Variants in QRICH2 observed in about 807,000 individuals in gnomAD.
QRICH2 encodes glutamine-rich protein 2.
Under a neutral mutation model 168.3 loss-of-function variants are expected in QRICH2, and 119 were observed. The ratio of observed to expected loss-of-function variants is 0.71; its 90% CI spans 0.61 to 0.82. The LOEUF (loss-of-function observed/expected upper bound fraction) is 0.82, where lower values mean the gene tolerates loss of function less well. QRICH2 is among the 40% of genes least tolerant of loss of function. The pLI is 0.00. For synonymous variants in QRICH2, 894 were observed against 951.2 expected (o/e 0.94, Z 1.11); for missense variants, 2,241 against 2,491.6 (o/e 0.90, Z 2.14).
Position 76,280,796 on chromosome 17 carries a change from C to T in QRICH2, c.4386+35G>A. 1 of 1,613,988 alleles carries T rather than the reference C, an allele frequency of 6.2e-7. No individual in the cohort carries two copies. The highest frequency in any genetic ancestry group is 8.5e-7 in the Non-Finnish European group (1 of 1,180,012). The stretch of plus-strand genomic sequence containing the variant: ...GCGGGGCTAGGGCACCACATTGAGC[C>T]CCGGCCCCATCCCAGCCACCCTGCG... On this transcript the variant is annotated intron_variant, in intron 9 of 18. Transcript: ENST00000680821. The surrounding 1 kb of genome is among the most constrained non-coding windows in gnomAD (Gnocchi z 7.4).
chr17:76,276,232 G>C (rs1293004428), intron 17 of QRICH2, among the ~76,000 whole-genome samples: 1 of 152,040 alleles, frequency 6.6e-6, no homozygotes, highest in Non-Finnish European at 1.5e-5. Context: ...AGGAAGGGAG[G>C]CATCTAGAAA....
In QRICH2 at chr17:76,280,234, G is replaced by C; in HGVS notation, c.4626+53C>G. 2 of 1,609,494 alleles carry C rather than the reference G, an allele frequency of 1.2e-6. No homozygotes were observed. The highest frequency in any genetic ancestry group is 1.7e-6 in the Non-Finnish European group (2 of 1,177,346). On this transcript the variant is annotated intron_variant, in intron 11 of 18. Transcript: ENST00000680821. The surrounding 1 kb of genome is among the most constrained non-coding windows in gnomAD (Gnocchi z 7.4). Reference sequence around the variant, plus strand: ...ACCCAGGAGAAGGTGGTGCTGTCCCGATCCTGGGGGCAAGGCTGTGGGATG... The same window carrying C: ...ACCCAGGAGAAGGTGGTGCTGTCCCCATCCTGGGGGCAAGGCTGTGGGATG...
rs1193335986 is a variant in QRICH2, at chr17:76,293,383, AG to A, written c.1343del (p.Pro448LeufsTer28). ...DEQRMLPPSV[P>X]GRDQQGLELP... ...GTTCCAATCCTTGCTGGTCTCTGCCAGGTACTGATGGTGGCAACATACGTTG... is the reference window on the plus strand; with the variant it reads ...GTTCCAATCCTTGCTGGTCTCTGCCAGTACTGATGGTGGCAACATACGTTG... On this transcript the variant is annotated frameshift_variant, in exon 4 of 19. Coordinates refer to ENST00000680821, the MANE Select transcript of QRICH2 (RefSeq NM_001388453.1). LOFTEE classifies it high-confidence loss of function. 1 of 1,614,114 alleles carries A rather than the reference AG, an allele frequency of 6.2e-7. No individual in the cohort carries two copies. The highest frequency in any genetic ancestry group is 8.5e-7 in the Non-Finnish European group (1 of 1,180,052).
rs1568117385 is a variant in QRICH2, at chr17:76,291,930, G to A, written c.2797C>T (p.Gln933Ter). Residue 933 changes from glutamine (Q) to a stop codon, truncating the protein, a stop_gained, in exon 4 of 19, where the codon CAA (glutamine) becomes TAA (stop). Transcript: ENST00000680821. LOFTEE classifies it high-confidence loss of function. Reference sequence around the variant, plus strand: ...AAACCAAGAGGATAGGCACCAGGTTGTACCAGGCCATGTGGATCTGCCTGA... The same window carrying A: ...AAACCAAGAGGATAGGCACCAGGTTATACCAGGCCATGTGGATCTGCCTGA... Reference protein sequence around the residue: ...QPQADPHGLVQPGAYPLGLVQ... With the variant: ...QPQADPHGLV The A allele has an allele frequency of 3.7e-6, 6 of 1,614,098 alleles. No individual in the cohort carries two copies. The highest frequency in any genetic ancestry group is 1.3e-5 in the African/African-American group (1 of 74,930).
chr17:76,305,071 A>C, intron 1 of QRICH2, 130 bp from the exon 2 acceptor site: 1 of 706,334 alleles, frequency 1.4e-6, no homozygotes, highest in African/African-American at 1.8e-5. Context: ...ACATTCACAC[A>C]CTGACTCAGT....
At chr17:76,306,051 T>C (rs1366274218) in intron 1 of QRICH2, among the ~76,000 whole-genome samples, 1 of 150,000 alleles carries the variant, frequency 6.7e-6, no homozygotes, top group Admixed American at 6.7e-5. Context: ...GCACCTATAA[T>C]CCTAGCTACT....
At chr17:76,285,266 G>T (rs2070861712) in intron 7 of QRICH2, among the ~76,000 whole-genome samples, 1 of 151,922 alleles carries the variant, frequency 6.6e-6, no homozygotes, top group South Asian at 2.1e-4. Flanking sequence ...TGAGTAGCTG[G>T]GATTACAGGC....
rs151086130 is a variant in QRICH2 at position 76,293,249 on chromosome 17, C to T, written c.1478G>A (p.Arg493His). Residue 493 changes from arginine (R) to histidine (H), a missense_variant, in exon 4 of 19, where the codon CGT becomes CAT. Arg to His is a conservative substitution (Grantham distance 29). Around this residue, in one of 3 missense-constraint regions of QRICH2, gnomAD observed 2,047 missense variants for 2,303.8 expected, o/e 0.89. Coordinates refer to ENST00000680821, the MANE Select transcript of QRICH2 (RefSeq NM_001388453.1). The part of the protein sequence containing the change: ...RSMEPLGMDQ[R>H]GCVISGMGQQ... The stretch of plus-strand genomic sequence containing the variant: ...ACCCATGCCTGATATTACACATCCA[C>T]GCTGATCCATGCCAAGTGGTTCCAT... The T allele has an allele frequency of 7.4e-5, 120 of 1,614,032 alleles. 1 individual carries two copies. In the African/African-American group the frequency reaches 1.2e-3, roughly 16 times the overall value.
chr17:76,290,251 G>C (rs982553681), intron 4 of QRICH2, among the ~76,000 whole-genome samples, 174 bp from the exon 5 acceptor site: 22 of 152,156 alleles, frequency 1.4e-4, no homozygotes, highest in Non-Finnish European at 2.5e-4. Context: ...AGAGAGAGCT[G>C]TCCTTAGCCC....
chr17:76,279,080 G>A lies in QRICH2; in HGVS notation c.4877C>T (p.Thr1626Met), dbSNP rs747156968. The A allele has an allele frequency of 1.5e-5, 25 of 1,613,820 alleles. No homozygotes were observed. Among genetic ancestry groups the A allele is most frequent in the Admixed American group, 6.7e-5 (4 of 59,992 alleles). The stretch of plus-strand genomic sequence containing the variant: ...CCGGACCTGCTCCAGTTCAAACACC[G>A]TGTAGGGGCGGATGGAATGGTGCCC... The part of the protein sequence containing the change: ...LPGHHSIRPY[T>M]VFELEQVRQH... The change falls in exon 14 of 19, where the codon ACG becomes ATG. Residue 1626 changes from threonine (T) to methionine (M), a missense_variant. Thr to Met is a moderately conservative substitution (Grantham distance 81). Around this residue, in one of 3 missense-constraint regions of QRICH2, gnomAD observed 2,047 missense variants for 2,303.8 expected, o/e 0.89. Transcript: ENST00000680821.
intron 3 of QRICH2, among the ~76,000 whole-genome samples, chr17:76,299,700 G>A (rs2070863808): frequency 6.6e-6 from 1 of 151,906 alleles, no homozygotes; most frequent in South Asian, 2.1e-4. Flanking sequence ...TTGCGCCACT[G>A]CACTCCAGCA....
intron 15 of QRICH2, among the ~76,000 whole-genome samples, 182 bp downstream of exon 15, chr17:76,277,807 T>C (rs929888263): frequency 2.6e-5 from 4 of 151,672 alleles, no homozygotes; most frequent in African/African-American, 9.7e-5. Context: ...GACACACCCA[T>C]AGACACATGG....
At chr17:76,275,192 T>C (rs940581521) in intron 18 of QRICH2, among the ~76,000 whole-genome samples, 2 of 152,082 alleles carry the variant, frequency 1.3e-5, no homozygotes, top group South Asian at 2.1e-4. Flanking sequence ...TATTAGATTC[T>C]TGGGGGGGGC....
In QRICH2 at chr17:76,274,189, G is replaced by A; in HGVS notation, c.5554C>T (p.Pro1852Ser). The A allele has an allele frequency of 6.3e-7, 1 of 1,591,736 alleles. No individual in the cohort carries two copies. The highest frequency in any genetic ancestry group is 8.5e-7 in the Non-Finnish European group (1 of 1,172,736). ...CTGTTTGCCACCGCGGCGGAGCTGGGCGGGTGGGCTGTGTTCGGCTGGGAG... is the reference window on the plus strand; with the variant it reads ...CTGTTTGCCACCGCGGCGGAGCTGGACGGGTGGGCTGTGTTCGGCTGGGAG... ...RLSQPNTAHP[P>S]SSAAVANRGL... Residue 1852 changes from proline to serine, a missense_variant, in exon 19 of 19, where the codon CCC (proline) becomes TCC (serine). Physicochemically the swap from Pro to Ser is moderately conservative, Grantham distance 74 (BLOSUM62 -1). This residue lies in a region of QRICH2 where 189 missense variants were observed against 169.3 expected (regional missense o/e 1.12). Transcript: ENST00000680821.
Position 76,275,955 on chromosome 17 carries a change from G to T in QRICH2, c.5354-8C>A. ...GCTTTGAGGTCCCTGAGCCTGATGG[G>T]GGACAGGAGGGAAGGGTCAGTGCTG... is the stretch of plus-strand genomic sequence containing the variant. On this transcript the variant is annotated splice_region_variant and splice_polypyrimidine_tract_variant and intron_variant, in intron 17 of 18. Coordinates refer to ENST00000680821, the MANE Select transcript of QRICH2 (RefSeq NM_001388453.1). 1 of 1,605,780 alleles carries T rather than the reference G, an allele frequency of 6.2e-7. No homozygotes were observed. Among genetic ancestry groups the T allele is most frequent in the Non-Finnish European group, 8.5e-7 (1 of 1,179,780 alleles).
At chr17:76,308,347 G>A (rs1037548609), upstream of QRICH2, 68 of 985,160 alleles carry the variant, frequency 6.9e-5, no homozygotes, top group Non-Finnish European at 7.6e-5. Context: ...CCACGGGGGC[G>A]GGGGGAAGTA....
At chr17:76,298,618 T>G (rs1279501749) in intron 3 of QRICH2, among the ~76,000 whole-genome samples, 1 of 151,870 alleles carries the variant, frequency 6.6e-6, no homozygotes, top group African/African-American at 2.4e-5. Flanking sequence ...ATGTCTGACC[T>G]CTTTGTCTTT....
Position 76,308,272 on chromosome 17 carries a change from C to A in QRICH2, c.-274G>T, listed in dbSNP as rs1598510102. On this transcript the variant is annotated 5_prime_UTR_variant, in exon 1 of 19. Transcript: ENST00000680821. Reference sequence around the variant, plus strand: ...GACTCCCAGTCCCCGCGCCGGCGGACGTTTGAAACGTGGGGGCCCCCGCGT... The same window carrying A: ...GACTCCCAGTCCCCGCGCCGGCGGAAGTTTGAAACGTGGGGGCCCCCGCGT... 1.0e-5 allele frequency: 10 copies of A among 985,302 alleles called. No individual in the cohort carries two copies. The highest frequency in any genetic ancestry group is 1.2e-5 in the Non-Finnish European group (10 of 829,924). 61.0% of individuals were successfully genotyped at this position (985,302 alleles called of 1,614,324 possible).
chr17:76,280,848 T>G lies in QRICH2; in HGVS notation c.4369A>C (p.Lys1457Gln). Residue 1457 changes from lysine to glutamine, a missense_variant, in exon 9 of 19, where the codon AAA (lysine) becomes CAA (glutamine). Physicochemically the swap from Lys to Gln is moderately conservative, Grantham distance 53. This residue lies in a region of QRICH2 where 2,047 missense variants were observed against 2,303.8 expected (regional missense o/e 0.89). Transcript: ENST00000680821. The surrounding 1 kb of genome is among the most constrained non-coding windows in gnomAD (Gnocchi z 7.4). ...TSNLIEDHRQ[K>Q]QKDIAMLYQG... ...CCGCTCACAGCAATGTCCTTCTGTTTCTGCCGATGGTCCTCGATGAGGTTG... is the reference window on the plus strand; with the variant it reads ...CCGCTCACAGCAATGTCCTTCTGTTGCTGCCGATGGTCCTCGATGAGGTTG... 1 of 1,613,998 alleles carries G rather than the reference T, an allele frequency of 6.2e-7. No individual in the cohort carries two copies. Among genetic ancestry groups the G allele is most frequent in the South Asian group, 1.1e-5 (1 of 91,088 alleles).
Sources: gnomAD v4.1 joint callset for allele counts (sites outside exome capture counted in the v4.1 genomes callset) on GRCh38, gnomAD v4.1.1 for gene constraint, gnomAD v4.1.1 regional missense constraint, Gnocchi (gnomAD v3.1) non-coding constraint, MANE v1.5 for transcripts, NCBI Gene and HGNC (gene_info 2026-07-23, HGNC 2026-07-21) for gene names.